PCDHGA2: variants seen among roughly 807,000 people sequenced by gnomAD.
PCDHGA2 encodes the protein protocadherin gamma subfamily A, 2, also known as protocadherin gamma-A2.
In PCDHGA2, 40 loss-of-function variants were observed where a neutral mutation model predicts 59.2. That is an observed-to-expected ratio of 0.68 (90% CI 0.52 to 0.88). PCDHGA2 has a LOEUF of 0.88. Among genes scored for constraint, PCDHGA2 ranks in the 40% least tolerant of loss-of-function variants. PCDHGA2 has a pLI of 0.00. For missense variants in PCDHGA2, 1,226 were observed against 1,204.0 expected, an observed-to-expected ratio of 1.02 and a Z score of -0.27; for synonymous variants, 560 against 526.0, an observed-to-expected ratio of 1.06 and a Z score of -0.89.
At chr5:141,504,134 A>G (rs73280371) in intron 2 of PCDHGA2, among the ~76,000 whole-genome samples, 139 of 152,168 alleles carry the variant, frequency 9.1e-4, no homozygotes, top group African/African-American at 3.1e-3. Flanking sequence ...TCCCGCCAAC[A>G]CTCCCCTGCA....
chr5:141,361,069 G>C, intron 1 of PCDHGA2: 1 of 1,613,910 alleles, frequency 6.2e-7, no homozygotes, highest in Non-Finnish European at 8.5e-7. Flanking sequence ...TTTTGAGATT[G>C]CAAGTAGTTA....
At chr5:141,341,919 G>T in intron 1 of PCDHGA2, 1 of 157,494 alleles carries the variant, frequency 6.3e-6, no homozygotes, top group Non-Finnish European at 1.4e-5. Context: ...TAACTTGCAT[G>T]CCCTTCCCTG....
chr5:141,366,383 G>A, intron 1 of PCDHGA2: 1 of 1,614,130 alleles, frequency 6.2e-7, no homozygotes, highest in Non-Finnish European at 8.5e-7. Flanking sequence ...CATTGACCCT[G>A]AGGATCTGGA....
chr5:141,472,602 T>A (rs1032061805), intron 1 of PCDHGA2, among the ~76,000 whole-genome samples: 1 of 152,026 alleles, frequency 6.6e-6, no homozygotes, highest in South Asian at 2.1e-4. Context: ...CTTGAAATTA[T>A]AAAACAAAGA....
chr5:141,510,398 G>A (rs2099880972), intron 3 of PCDHGA2, among the ~76,000 whole-genome samples: 1 of 152,064 alleles, frequency 6.6e-6, no homozygotes, highest in African/African-American at 2.4e-5. Flanking sequence ...CTTGGCAAAG[G>A]CTAGGGGCAT....
intron 1 of PCDHGA2, among the ~76,000 whole-genome samples, chr5:141,380,043 G>A (rs1366839689): frequency 6.6e-6 from 1 of 151,834 alleles, no homozygotes; most frequent in Non-Finnish European, 1.5e-5. Context: ...GGGATTACAG[G>A]TGCATGCCAC....
chr5:141,393,492 C>T (rs778632774), intron 1 of PCDHGA2: 11 of 1,613,922 alleles, frequency 6.8e-6, no homozygotes, highest in African/African-American at 1.3e-5. Flanking sequence ...TAGCACAGTG[C>T]GCATCCACGT....
At position 141,487,047 on chromosome 5, in the gene PCDHGA2, C is replaced by T; in HGVS notation, c.2425-7760C>T. The T allele has an allele frequency of 6.2e-7, 1 of 1,614,188 alleles. No individual in the cohort carries two copies. Among genetic ancestry groups the T allele is most frequent in the Non-Finnish European group, 8.5e-7 (1 of 1,180,032 alleles). ...AGCCTGTTTGCAGTCTCTCGATATGCTGGGGAGGTGCGGACGGCTGTTCCT... is the reference window on the plus strand; with the variant it reads ...AGCCTGTTTGCAGTCTCTCGATATGTTGGGGAGGTGCGGACGGCTGTTCCT... On this transcript the variant is annotated intron_variant, in intron 1 of 3. Coordinates refer to ENST00000394576, the MANE Select transcript of PCDHGA2 (RefSeq NM_018915.4). This position sits in a 1 kb window ranked among gnomAD's most constrained non-coding sequence, Gnocchi z 5.0.
intron 1 of PCDHGA2, among the ~76,000 whole-genome samples, chr5:141,437,499 CA>C (rs2097890101): frequency 6.6e-6 from 1 of 152,076 alleles, no homozygotes; most frequent in African/African-American, 2.4e-5. Context: ...GATCACTTTT[CA>C]ATGAATTATA....
At chr5:141,407,961 A>C in intron 1 of PCDHGA2, 1 of 672,320 alleles carries the variant, frequency 1.5e-6, no homozygotes, top group Non-Finnish European at 2.4e-6. Context: ...AGTGCAGAGC[A>C]AGCGCTGACG....
intron 1 of PCDHGA2, among the ~76,000 whole-genome samples, chr5:141,348,696 G>A (rs1430735033): frequency 6.6e-6 from 1 of 152,054 alleles, no homozygotes; most frequent in African/African-American, 2.4e-5. Context: ...TTTGAAGAAT[G>A]GGCAAGAATC....
At chr5:141,364,137 G>T in intron 1 of PCDHGA2, 1 of 496,716 alleles carries the variant, frequency 2.0e-6, no homozygotes, top group Non-Finnish European at 3.4e-6. Flanking sequence ...GTTGACCAAA[G>T]TGGGAAAGAA....
intron 1 of PCDHGA2, among the ~76,000 whole-genome samples, chr5:141,475,750 T>C (rs1158317865): frequency 6.6e-6 from 1 of 152,270 alleles, no homozygotes; most frequent in African/African-American, 2.4e-5. Context: ...AGGTTTCCTA[T>C]GCACCGATAC....
chr5:141,413,747 A>G (rs1208637349), intron 1 of PCDHGA2: 7 of 1,613,230 alleles, frequency 4.3e-6, no homozygotes, highest in African/African-American at 4.0e-5. Flanking sequence ...AGCCGTGCCA[A>G]TGGCGTCAAG....
At chr5:141,423,885 A>G in intron 1 of PCDHGA2, 6 of 1,277,816 alleles carry the variant, frequency 4.7e-6, no homozygotes, top group Non-Finnish European at 5.9e-6. Flanking sequence ...ATCTTGGCAT[A>G]TTTTCTTTTG....
chr5:141,357,220 G>A, intron 1 of PCDHGA2: 1 of 1,613,852 alleles, frequency 6.2e-7, no homozygotes. Context: ...TGTCCTGGCT[G>A]ACTTGGGCAG....
rs781651287 is a variant in PCDHGA2, at chr5:141,505,380, A to G, written c.2484-13A>G. ...CCTGGGAGTCTGTGCTCACCATCCT[A>G]CTCTCTCCCCAGCTCCCAAAATGGC... On this transcript the variant is annotated splice_polypyrimidine_tract_variant and intron_variant, in intron 2 of 3. Transcript: ENST00000394576. The G allele has an allele frequency of 4.3e-6, 7 of 1,613,362 alleles. No homozygotes were observed. The African/African-American group carries it at 5.4e-5, about 12-fold the overall frequency.
intron 1 of PCDHGA2, among the ~76,000 whole-genome samples, chr5:141,445,007 G>T (rs771023003): frequency 1.3e-5 from 2 of 151,994 alleles, no homozygotes; most frequent in African/African-American, 4.8e-5. Flanking sequence ...ATTTAATTAG[G>T]TCTTTAATTT....
chr5:141,399,055 G>A (rs372997829), intron 1 of PCDHGA2: 3 of 1,613,726 alleles, frequency 1.9e-6, no homozygotes, highest in African/African-American at 2.7e-5. Context: ...AGAGACCAAG[G>A]AATATTCAAT....
Sources: allele counts gnomAD v4.1 joint callset (sites outside exome capture counted in the v4.1 genomes callset), GRCh38; gene constraint gnomAD v4.1.1; non-coding constraint Gnocchi (gnomAD v3.1); transcripts MANE v1.5; gene names NCBI Gene and HGNC (gene_info 2026-07-23, HGNC 2026-07-21).